BRAF: variants seen among roughly 807,000 people sequenced by gnomAD.
BRAF encodes the protein B-Raf proto-oncogene, serine/threonine kinase.
A neutral mutation model predicts 104.6 loss-of-function variants in BRAF; 16 were observed. The observed-to-expected ratio is 0.15, with a 90% CI of 0.10 to 0.23. BRAF has a LOEUF of 0.23. BRAF is among the 10% of genes least tolerant of loss of function. The probability of loss-of-function intolerance (pLI) is 1.00; values close to 1 mark genes in which losing one functional copy is unlikely to be tolerated. For synonymous variants in BRAF, 310 were observed against 341.6 expected, an observed-to-expected ratio of 0.91 and a Z score of 1.02; for missense variants, 541 against 937.3, an observed-to-expected ratio of 0.58 and a Z score of 5.52.
intron 1 of BRAF, among the ~76,000 whole-genome samples, chr7:140,858,826 TATAA>T (rs1297463774): frequency 6.6e-6 from 1 of 151,898 alleles, no homozygotes; most frequent in East Asian, 1.9e-4. Flanking sequence ...TAAGTGTTTA[TATAA>T]ATATATATTT....
intron 3 of BRAF, among the ~76,000 whole-genome samples, chr7:140,826,196 T>C (rs1806028074): frequency 6.6e-6 from 1 of 152,248 alleles, no homozygotes; most frequent in South Asian, 2.1e-4. Flanking sequence ...AAACATTTCC[T>C]ATGTAATTTG....
intron 14 of BRAF, among the ~76,000 whole-genome samples, chr7:140,764,524 G>A (rs1347453600): frequency 1.3e-5 from 2 of 151,552 alleles, no homozygotes; most frequent in Non-Finnish European, 2.9e-5. Context: ...GTTTGCAGAC[G>A]ACATGATTGT....
chr7:140,921,564 GTAGAAAT>G (rs1466735099), intron 1 of BRAF, among the ~76,000 whole-genome samples: 1 of 151,868 alleles, frequency 6.6e-6, no homozygotes, highest in African/African-American at 2.4e-5. Context: ...CTAATAATAC[GTAGAAAT>G]TTTTGCTTTA....
downstream of BRAF, chr7:140,719,308 G>A (rs1004954321): frequency 5.5e-6 from 5 of 913,492 alleles, no homozygotes; most frequent in Middle Eastern, 2.1e-3. Context: ...ATGTAATCGT[G>A]TTAGAAAAAT....
At chr7:140,828,047 C>T (rs1168545801) in intron 3 of BRAF, among the ~76,000 whole-genome samples, 9 of 152,054 alleles carry the variant, frequency 5.9e-5, no homozygotes, top group Non-Finnish European at 1.3e-4. Context: ...AGGCATGCGG[C>T]ACCACACCCG....
chr7:140,739,760 C>T (rs2130898197), intron 18 of BRAF, 52 bp downstream of exon 17: 5 of 1,606,746 alleles, frequency 3.1e-6, no homozygotes, highest in Non-Finnish European at 4.2e-6. Context: ...GCTCAGAAAT[C>T]TGTCTATGAA....
In BRAF at chr7:140,721,586, T is replaced by C. The variant is rs1389663088; in HGVS notation, c.*4908A>G. The C allele has an allele frequency of 1.0e-5, 16 of 1,529,906 alleles. No homozygotes were observed. The highest frequency in any genetic ancestry group is 1.4e-5 in the Non-Finnish European group (16 of 1,144,284). The allele number at this position is 1,529,906 out of a possible 1,614,324, so 94.8% of individuals were successfully genotyped here. A position where few individuals can be genotyped will look rare whatever the true frequency, so the allele number is the denominator to read the frequency against. On this transcript the variant is annotated 3_prime_UTR_variant, in exon 20 of 20. Coordinates refer to ENST00000644969, the MANE Select transcript of BRAF (RefSeq NM_001374258.1). The stretch of plus-strand genomic sequence containing the variant: ...CATGGACCACAGATATACTGGTGAC[T>C]CCGCTCTCCTCTGGCCAAGCTACAA...
At chr7:140,763,209 CG>C (rs1798934002) in intron 14 of BRAF, among the ~76,000 whole-genome samples, 1 of 152,166 alleles carries the variant, frequency 6.6e-6, no homozygotes, top group African/African-American at 2.4e-5. Flanking sequence ...CCTCACCTCC[CG>C]GACGAGGCGG....
intron 8 of BRAF, among the ~76,000 whole-genome samples, chr7:140,792,223 T>G (rs1055504622): frequency 4.4e-4 from 67 of 152,200 alleles, no homozygotes; most frequent in African/African-American, 1.5e-3. Flanking sequence ...TCTGAAATAC[T>G]GTAAAAACCA....
intron 1 of BRAF, among the ~76,000 whole-genome samples, chr7:140,863,887 CTCTTT>C (rs1810668972): frequency 6.6e-6 from 1 of 152,158 alleles, no homozygotes; most frequent in African/African-American, 2.4e-5. Context: ...CCAATTAAAC[CTCTTT>C]TCTTTATAAA....
rs149355399 is a variant in BRAF at position 140,785,356 on chromosome 7, A to C, written c.1297+333T>G. ...GCATTAAAATCAAAGGAATCCAGTA[A>C]GCTCTTCCCCACCCACCTTATTTAT... On this transcript the variant is annotated intron_variant, in intron 10 of 19. Coordinates refer to ENST00000644969, the MANE Select transcript of BRAF (RefSeq NM_001374258.1). Among the ~76,000 whole-genome samples, 248 of 152,338 alleles carry C rather than the reference A, an allele frequency of 1.6e-3. 1 individual carries two copies. Among genetic ancestry groups the C allele is most frequent in the Middle Eastern group, 0.014 (4 of 294 alleles).
chr7:140,815,601 T>C (rs1804793972), intron 3 of BRAF, among the ~76,000 whole-genome samples: 3 of 151,746 alleles, frequency 2.0e-5, no homozygotes, highest in Admixed American at 2.0e-4. Context: ...GCCCGGCTAA[T>C]TTTTTTGTAT....
At chr7:140,850,846 T>C (rs954794191) in intron 1 of BRAF, among the ~76,000 whole-genome samples, 7 of 152,214 alleles carry the variant, frequency 4.6e-5, no homozygotes, top group African/African-American at 9.6e-5. Flanking sequence ...TGCTCCCTGA[T>C]TGATCTGCTT....
chr7:140,803,622 A>C (rs1301955517), intron 5 of BRAF, among the ~76,000 whole-genome samples: 2 of 152,172 alleles, frequency 1.3e-5, no homozygotes, highest in Non-Finnish European at 2.9e-5. Flanking sequence ...TGTTTGGGCC[A>C]CATAAACTTA....
chr7:140,864,419 A>G (rs1810725363), intron 1 of BRAF, among the ~76,000 whole-genome samples: 1 of 152,162 alleles, frequency 6.6e-6, no homozygotes, highest in Non-Finnish European at 1.5e-5. Flanking sequence ...CACCAACAGG[A>G]GAGGCTTACT....
At chr7:140,759,154 A>C (rs1435777647) in intron 14 of BRAF, among the ~76,000 whole-genome samples, 1 of 152,226 alleles carries the variant, frequency 6.6e-6, no homozygotes, top group African/African-American at 2.4e-5. Flanking sequence ...TTTGTGGCAA[A>C]TATGAAGAAG....
intron 3 of BRAF, among the ~76,000 whole-genome samples, chr7:140,818,952 A>C (rs1339127584): frequency 1.3e-5 from 2 of 152,156 alleles, no homozygotes; most frequent in African/African-American, 4.8e-5. Flanking sequence ...AAAACAAAGA[A>C]GATACTGAAG....
Position 140,761,155 on chromosome 7 carries a change from A to T in BRAF, c.1815-6922T>A, listed in dbSNP as rs376532205. ...GCCAGACAGAAAGGTCGGGTTACCC[A>T]CAAAGGGAAGCCCATCAGACTAACA... is the stretch of plus-strand genomic sequence containing the variant. On this transcript the variant is annotated intron_variant, in intron 14 of 19. Transcript: ENST00000644969. 1.2e-4 allele frequency among the ~76,000 whole-genome samples: 18 copies of T among 152,370 alleles called. No homozygotes were observed. The South Asian group carries it at 2.9e-3, about 25-fold the overall frequency.
chr7:140,739,519 TGGGGGG>T (rs11360482), intron 18 of BRAF, among the ~76,000 whole-genome samples: 1 of 135,114 alleles, frequency 7.4e-6, no homozygotes, highest in Non-Finnish European at 1.7e-5. Context: ...AAGCTCTTTG[TGGGGGG>T]GGGGGTCTTC....
Sources: allele counts gnomAD v4.1 joint callset (sites outside exome capture counted in the v4.1 genomes callset), GRCh38; gene constraint gnomAD v4.1.1; transcripts MANE v1.5; gene names NCBI Gene and HGNC (gene_info 2026-07-23, HGNC 2026-07-21).